The following SPACA7 variants were observed in gnomAD, a reference collection of about 807,000 sequenced individuals.
The protein encoded by SPACA7 is sperm acrosome-associated protein 7.
In SPACA7, 19 loss-of-function variants were observed where a neutral mutation model predicts 26.3. That is an observed-to-expected ratio of 0.72 (90% CI 0.50 to 1.06). The LOEUF is 1.06. Among genes scored for constraint, SPACA7 ranks in the 50% least tolerant of loss-of-function variants. SPACA7 has a pLI of 0.00. For missense variants in SPACA7, 211 were observed against 229.9 expected (o/e 0.92, Z 0.53); for synonymous variants, 84 against 84.5 (o/e 0.99, Z 0.04).
chr13:112,417,724 T>C (rs1300306136), intron 5 of SPACA7, among the ~76,000 whole-genome samples: 4 of 152,184 alleles, frequency 2.6e-5, no homozygotes, highest in Non-Finnish European at 5.9e-5. Flanking sequence ...AGTCTTACAG[T>C]GGAGTTGCTT....
intron 6 of SPACA7, among the ~76,000 whole-genome samples, chr13:112,434,132 A>G (rs950948189): frequency 1.3e-5 from 2 of 152,030 alleles, no homozygotes; most frequent in Non-Finnish European, 2.9e-5. Context: ...GGAGTCCCCA[A>G]CCTCCTGGTA....
At chr13:112,387,217 C>G (rs1884583251) in intron 1 of SPACA7, among the ~76,000 whole-genome samples, 1 of 152,176 alleles carries the variant, frequency 6.6e-6, no homozygotes, top group Non-Finnish European at 1.5e-5. Flanking sequence ...ACATGAATCC[C>G]CTAATTCCTG....
In SPACA7 at chr13:112,434,538, G is replaced by T; in HGVS notation, c.577G>T (p.Gly193Cys). The T allele has an allele frequency of 6.2e-7, 1 of 1,608,304 alleles. No homozygotes were observed. The highest frequency in any genetic ancestry group is 8.5e-7 in the Non-Finnish European group (1 of 1,177,862). ...GACCAGCGCACAGAGGAGGAGCCAA[G>T]GCAGTCAGTGAGGCCGCAGCCCCAG... The part of the protein sequence containing the change: ...QRTSAQRRSQ[G>C]SQ Residue 193 changes from glycine to cysteine, a missense_variant, in exon 7 of 7, where the codon GGC (glycine) becomes TGC (cysteine). Physicochemically the swap from Gly to Cys is radical, Grantham distance 159 (BLOSUM62 -3). Coordinates refer to ENST00000283550, the MANE Select transcript of SPACA7 (RefSeq NM_145248.5).
intron 1 of SPACA7, among the ~76,000 whole-genome samples, chr13:112,384,119 T>C (rs1884384484): frequency 6.6e-6 from 1 of 152,160 alleles, no homozygotes; most frequent in Admixed American, 6.5e-5. Flanking sequence ...AGTTTGGGTT[T>C]TTTCTTTATT....
At chr13:112,405,466 G>A (rs1434777281) in intron 5 of SPACA7, among the ~76,000 whole-genome samples, 1 of 151,922 alleles carries the variant, frequency 6.6e-6, no homozygotes, top group Non-Finnish European at 1.5e-5. Context: ...CAATTCCCAG[G>A]TAACAGGGCA....
intron 5 of SPACA7, among the ~76,000 whole-genome samples, chr13:112,403,993 T>C (rs1594285106): frequency 6.6e-6 from 1 of 152,194 alleles, no homozygotes; most frequent in Non-Finnish European, 1.5e-5. Context: ...CTTTAAGGAA[T>C]CTCCACACTG....
chr13:112,427,279 A>T (rs1368551122), intron 5 of SPACA7, among the ~76,000 whole-genome samples: 1 of 152,222 alleles, frequency 6.6e-6, no homozygotes, highest in African/African-American at 2.4e-5. Context: ...TGTCCAAGGC[A>T]GCTTTATTCA....
At chr13:112,416,180 C>A (rs559407063) in intron 5 of SPACA7, among the ~76,000 whole-genome samples, 29 of 152,168 alleles carry the variant, frequency 1.9e-4, no homozygotes, top group Middle Eastern at 6.8e-3. Context: ...AAGGTGACTT[C>A]TTGAATGCAT....
Position 112,433,604 on chromosome 13 carries a change from C to T in SPACA7, c.524-881C>T, listed in dbSNP as rs533589697. The stretch of plus-strand genomic sequence containing the variant: ...TCCTTTGTTAAAATGCCGAAGAGGA[C>T]GGTCCCGGGAAACGTCGCTGGAGAC... On this transcript the variant is annotated intron_variant, in intron 6 of 6. Transcript: ENST00000283550. Among the ~76,000 whole-genome samples the T allele has an allele frequency of 1.0e-4, 15 of 150,486 alleles. No individual in the cohort carries two copies. The South Asian group carries it at 2.8e-3, about 28-fold the overall frequency.
intron 6 of SPACA7, among the ~76,000 whole-genome samples, chr13:112,433,033 C>T (rs1877325248): frequency 6.6e-6 from 1 of 152,158 alleles, no homozygotes; most frequent in African/African-American, 2.4e-5. Flanking sequence ...GCTTCTGTCC[C>T]TGGCCCCAGG....
chr13:112,428,364 G>A (rs1274329146), intron 5 of SPACA7, among the ~76,000 whole-genome samples: 1 of 152,160 alleles, frequency 6.6e-6, no homozygotes, highest in Non-Finnish European at 1.5e-5. Context: ...TGGATTACTT[G>A]AGGTCAGGAG....
At position 112,401,094 on chromosome 13, in the gene SPACA7, T is replaced by C. The variant is rs775679468; in HGVS notation, c.375T>C (p.His125=). The C allele has an allele frequency of 2.8e-5, 46 of 1,614,040 alleles. No individual in the cohort carries two copies. In the Admixed American group the frequency reaches 7.0e-4, roughly 25 times the overall value. ...AAGCCAATGCTAATGCAAATCTCCATGGCGATCCTTCTGAGAATTATCGTG... is the reference window on the plus strand; with the variant it reads ...AAGCCAATGCTAATGCAAATCTCCACGGCGATCCTTCTGAGAATTATCGTG... ...NDEANANANL[H]GDPSENYRGP... is the part of the protein sequence containing the mutation. The change falls in exon 5 of 7, where the codon CAT becomes CAC. Residue 125 remains histidine, a synonymous_variant. Coordinates refer to ENST00000283550, the MANE Select transcript of SPACA7 (RefSeq NM_145248.5).
rs561610812 is a variant in SPACA7, at chr13:112,379,510, A to G, written c.94+3031A>G. ...ATACAACATTACAAGACAATAACGGAAATTAGGACTCATAACTTTATACCA... is the reference window on the plus strand; with the variant it reads ...ATACAACATTACAAGACAATAACGGGAATTAGGACTCATAACTTTATACCA... On this transcript the variant is annotated intron_variant, in intron 1 of 6. Transcript: ENST00000283550. Among the ~76,000 whole-genome samples, 40 of 152,312 alleles carry G rather than the reference A, an allele frequency of 2.6e-4. No individual in the cohort carries two copies. The South Asian group carries it at 8.3e-3, about 32-fold the overall frequency.
At chr13:112,411,560 TG>T (rs1225431973) in intron 5 of SPACA7, among the ~76,000 whole-genome samples, 1 of 152,118 alleles carries the variant, frequency 6.6e-6, no homozygotes, top group African/African-American at 2.4e-5. Flanking sequence ...ACTGTATTTT[TG>T]TTCCCATTAA....
intron 2 of SPACA7, among the ~76,000 whole-genome samples, chr13:112,394,557 C>A (rs1885110755): frequency 6.6e-6 from 1 of 151,778 alleles, no homozygotes; most frequent in Non-Finnish European, 1.5e-5. Context: ...TGCCTGCCTG[C>A]GTGTTTGATG....
intron 5 of SPACA7, among the ~76,000 whole-genome samples, chr13:112,430,194 G>GTGTGTGTGTC: frequency 6.6e-6 from 1 of 151,968 alleles, no homozygotes; most frequent in South Asian, 2.1e-4. Flanking sequence ...GTGTGTGTGT[G>GTGTGTGTGTC]TGTGTGTGTG....
At chr13:112,419,853 G>A (rs1886905247) in intron 5 of SPACA7, among the ~76,000 whole-genome samples, 1 of 152,324 alleles carries the variant, frequency 6.6e-6, no homozygotes, top group East Asian at 1.9e-4. Flanking sequence ...ATCCCCTGAG[G>A]GAAGGGAAGA....
intron 5 of SPACA7, among the ~76,000 whole-genome samples, chr13:112,403,470 G>A (rs751500088): frequency 6.6e-6 from 1 of 151,984 alleles, no homozygotes. Context: ...GTGGTGTTTG[G>A]TTACATGAAT....
chr13:112,434,522 A>C lies in SPACA7; in HGVS notation c.561A>C (p.Ala187=), dbSNP rs751322823. Residue 187 remains alanine (A), a synonymous_variant, in exon 7 of 7, where the codon GCA becomes GCC. Coordinates refer to ENST00000283550, the MANE Select transcript of SPACA7 (RefSeq NM_145248.5). ...ATAAAGAGCAGCAGAGGACCAGCGC[A>C]CAGAGGAGGAGCCAAGGCAGTCAGT... ...IFHKEQQRTS[A]QRRSQGSQ The C allele has an allele frequency of 4.3e-6, 7 of 1,610,208 alleles. No individual in the cohort carries two copies. The highest frequency in any genetic ancestry group is 5.9e-6 in the Non-Finnish European group (7 of 1,178,610).
Sources: allele counts gnomAD v4.1 joint callset (sites outside exome capture counted in the v4.1 genomes callset), GRCh38; gene constraint gnomAD v4.1.1; transcripts MANE v1.5; gene names NCBI Gene and HGNC (gene_info 2026-07-23, HGNC 2026-07-21).